GALNT17: variants seen among roughly 807,000 people sequenced by gnomAD.
GALNT17 encodes the protein UDP-GalNAc:polypeptide N-acetylgalactosaminyltransferase-like 3.
GALNT17 carries 29 observed loss-of-function variants against 63.7 expected under a neutral mutation model. That is an observed-to-expected ratio of 0.46 (90% confidence interval 0.34 to 0.62). GALNT17 has a LOEUF of 0.62. Ranked by LOEUF, GALNT17 falls within the 20% of genes least tolerant of loss-of-function variation. GALNT17 has a pLI of 0.01. For synonymous variants in GALNT17, 305 were observed against 318.3 expected, an observed-to-expected ratio of 0.96 and a Z score of 0.45; for missense variants, 603 against 799.6, an observed-to-expected ratio of 0.75 and a Z score of 2.97.
chr7:71,420,234 T>C (rs903355623), intron 4 of GALNT17, among the ~76,000 whole-genome samples: 1 of 152,206 alleles, frequency 6.6e-6, no homozygotes, highest in Non-Finnish European at 1.5e-5. Flanking sequence ...CCTGACGAAT[T>C]ACCTGCTGCA....
intron 5 of GALNT17, among the ~76,000 whole-genome samples, chr7:71,483,387 T>C (rs1787855823): frequency 6.6e-6 from 1 of 151,386 alleles, no homozygotes; most frequent in African/African-American, 2.4e-5. Flanking sequence ...GGAGAATTGC[T>C]TGAACCCGGG....
intron 1 of GALNT17, among the ~76,000 whole-genome samples, chr7:71,176,509 G>C (rs1788641610): frequency 6.6e-6 from 1 of 152,138 alleles, no homozygotes; most frequent in Non-Finnish European, 1.5e-5. Context: ...TGAGTGGCAG[G>C]ACAGGAAAAG....
chr7:71,514,858 T>C (rs1234941784), intron 5 of GALNT17, among the ~76,000 whole-genome samples: 2 of 152,172 alleles, frequency 1.3e-5, no homozygotes, highest in Non-Finnish European at 2.9e-5. Context: ...TCATCTTGAA[T>C]TGTAGCTCCC....
At chr7:71,472,731 A>C (rs1242764992) in intron 5 of GALNT17, among the ~76,000 whole-genome samples, 2 of 152,128 alleles carry the variant, frequency 1.3e-5, no homozygotes, top group African/African-American at 4.8e-5. Context: ...AAAAATTAAA[A>C]AGTCATTTAG....
intron 5 of GALNT17, among the ~76,000 whole-genome samples, chr7:71,566,202 T>C (rs1789340995): frequency 6.6e-6 from 1 of 152,116 alleles, no homozygotes; most frequent in Admixed American, 6.6e-5. Flanking sequence ...TAAGGAGTTA[T>C]TGGGTTGATG....
At chr7:71,421,430 AT>A (rs1786663481) in intron 5 of GALNT17, among the ~76,000 whole-genome samples, 1 of 152,056 alleles carries the variant, frequency 6.6e-6, no homozygotes, top group African/African-American at 2.4e-5. Flanking sequence ...TTTGAAAGTT[AT>A]TTTTTCTGGG....
At position 71,245,410 on chromosome 7, in the gene GALNT17, G is replaced by A. The variant is rs74899777; in HGVS notation, c.239-90140G>A. 5.3e-5 allele frequency among the ~76,000 whole-genome samples: 8 copies of A among 152,344 alleles called. 1 individual carries two copies. The East Asian group carries it at 1.5e-3, about 29-fold the overall frequency. On this transcript the variant is annotated intron_variant, in intron 1 of 10. Coordinates refer to ENST00000333538, the MANE Select transcript of GALNT17 (RefSeq NM_022479.3). Reference sequence around the variant, plus strand: ...ATCCACGGGTGTAAAGAAGGGCACAGGTATGGAGTAGTCTATGCTCATGGT... The same window carrying A: ...ATCCACGGGTGTAAAGAAGGGCACAAGTATGGAGTAGTCTATGCTCATGGT...
At chr7:71,624,275 G>C (rs190078661) in intron 6 of GALNT17, among the ~76,000 whole-genome samples, 2 of 152,160 alleles carry the variant, frequency 1.3e-5, no homozygotes, top group Non-Finnish European at 2.9e-5. Context: ...CTCACACCAG[G>C]GCCTAGGATC....
At chr7:71,397,691 C>G (rs928811102) in intron 3 of GALNT17, among the ~76,000 whole-genome samples, 3 of 152,176 alleles carry the variant, frequency 2.0e-5, no homozygotes, top group African/African-American at 7.2e-5. Flanking sequence ...TCTCCCTTCA[C>G]TGTCTTCTTG....
intron 3 of GALNT17, among the ~76,000 whole-genome samples, chr7:71,391,501 G>A (rs1046512514): frequency 1.3e-5 from 2 of 151,682 alleles, no homozygotes; most frequent in South Asian, 4.2e-4. Flanking sequence ...TTGATTTTGA[G>A]ACAGGGTCTC....
chr7:71,170,434 C>G (rs182829201), intron 1 of GALNT17, among the ~76,000 whole-genome samples: 1 of 151,996 alleles, frequency 6.6e-6, no homozygotes, highest in South Asian at 2.1e-4. Flanking sequence ...CTCCCGGGTT[C>G]GAGCGATTCT....
chr7:71,136,600 C>G (rs1272761814), intron 1 of GALNT17, among the ~76,000 whole-genome samples: 1 of 151,998 alleles, frequency 6.6e-6, no homozygotes, highest in Non-Finnish European at 1.5e-5. Context: ...ACTTTCCTGC[C>G]TCAGCTCCCG....
In GALNT17 at chr7:71,147,883, G is replaced by C. The variant is rs1386433331; in HGVS notation, c.238+14843G>C. Among the ~76,000 whole-genome samples the C allele has an allele frequency of 2.0e-5, 3 of 152,012 alleles. No homozygotes were observed. In the East Asian group the frequency reaches 5.8e-4, roughly 29 times the overall value. The stretch of plus-strand genomic sequence containing the variant: ...CCTGACTTCATGATCCACTGCCTTG[G>C]CCTCCCAAAGTGCTGAGATTACATG... On this transcript the variant is annotated intron_variant, in intron 1 of 10. Coordinates refer to ENST00000333538, the MANE Select transcript of GALNT17 (RefSeq NM_022479.3).
At position 71,502,979 on chromosome 7, in the gene GALNT17, G is replaced by A. The variant is rs141566111; in HGVS notation, c.963-68306G>A. Among the ~76,000 whole-genome samples, 652 of 152,142 alleles carry A rather than the reference G, an allele frequency of 4.3e-3. 4 individuals are homozygous for A. The highest frequency in any genetic ancestry group is 6.3e-3 in the Non-Finnish European group (427 of 68,002). On this transcript the variant is annotated intron_variant, in intron 5 of 10. Transcript: ENST00000333538. ...CATTGTTGAAATGTCTGCTTTCTTGGTCATTAGCCCCCTGCACTGTTGATC... is the reference window on the plus strand; with the variant it reads ...CATTGTTGAAATGTCTGCTTTCTTGATCATTAGCCCCCTGCACTGTTGATC...
chr7:71,189,511 G>A (rs1053507754), intron 1 of GALNT17, among the ~76,000 whole-genome samples: 2 of 152,158 alleles, frequency 1.3e-5, no homozygotes, highest in African/African-American at 4.8e-5. Context: ...TGGTGTGCAG[G>A]TCTCAGTCTC....
chr7:71,267,230 A>G (rs1323074785), intron 1 of GALNT17, among the ~76,000 whole-genome samples: 1 of 152,202 alleles, frequency 6.6e-6, no homozygotes, highest in Admixed American at 6.5e-5. Flanking sequence ...CCCCATTGGT[A>G]TATAAAGATG....
intron 6 of GALNT17, among the ~76,000 whole-genome samples, chr7:71,649,624 C>A (rs1351633975): frequency 6.6e-6 from 1 of 151,844 alleles, no homozygotes; most frequent in Non-Finnish European, 1.5e-5. Context: ...CACACACACA[C>A]ACACACACAC....
intron 5 of GALNT17, among the ~76,000 whole-genome samples, chr7:71,557,811 A>T (rs377624971): frequency 4.0e-5 from 6 of 151,756 alleles, no homozygotes; most frequent in East Asian, 1.9e-4. Context: ...AGTGGCTCAC[A>T]TCTGTAATCC....
intron 1 of GALNT17, among the ~76,000 whole-genome samples, chr7:71,315,267 C>G (rs1292789045): frequency 6.6e-6 from 1 of 152,152 alleles, no homozygotes; most frequent in East Asian, 1.9e-4. Context: ...GTTTATCTAT[C>G]CAACAGCTGA....
Sources: gnomAD v4.1 joint callset for allele counts (sites outside exome capture counted in the v4.1 genomes callset) on GRCh38, gnomAD v4.1.1 for gene constraint, MANE v1.5 for transcripts, NCBI Gene and HGNC (gene_info 2026-07-23, HGNC 2026-07-21) for gene names.